The following ELOVL4 variants were observed in gnomAD, a reference collection of about 807,000 sequenced individuals.
ELOVL4 encodes very long chain fatty acid elongase 4.
Under a neutral mutation model 42.1 loss-of-function variants are expected in ELOVL4, and 18 were observed. That is an observed-to-expected ratio of 0.43 (90% CI 0.30 to 0.63). The LOEUF is 0.63. ELOVL4 is among the 30% of genes least tolerant of loss of function. The pLI is 0.15. For missense variants in ELOVL4, 299 were observed against 376.2 expected, an observed-to-expected ratio of 0.79 and a Z score of 1.70; for synonymous variants, 117 against 127.0, an observed-to-expected ratio of 0.92 and a Z score of 0.53.
At chr6:79,943,225 C>A (rs1774675907) in intron 1 of ELOVL4, among the ~76,000 whole-genome samples, 1 of 152,124 alleles carries the variant, frequency 6.6e-6, no homozygotes, top group African/African-American at 2.4e-5. Context: ...CCTCTGGGAC[C>A]TAGCAATCCC....
intron 5 of ELOVL4, 129 bp downstream of exon 5, chr6:79,919,291 G>A (rs902281123): frequency 1.2e-5 from 13 of 1,042,078 alleles, no homozygotes; most frequent in Admixed American, 3.8e-5. Flanking sequence ...GCATAACTGC[G>A]ATATAGCTGG....
chr6:79,930,889 T>C (rs1774431905), intron 1 of ELOVL4, among the ~76,000 whole-genome samples: 3 of 152,192 alleles, frequency 2.0e-5, no homozygotes, highest in South Asian at 2.1e-4. Context: ...ATTTCTATTA[T>C]GTTGTCAACA....
At chr6:79,937,818 A>G (rs918450231) in intron 1 of ELOVL4, among the ~76,000 whole-genome samples, 1 of 152,204 alleles carries the variant, frequency 6.6e-6, no homozygotes, top group Non-Finnish European at 1.5e-5. Flanking sequence ...ATAATATCTA[A>G]CTTATAGAGA....
intron 1 of ELOVL4, among the ~76,000 whole-genome samples, chr6:79,928,743 T>TG (rs796876947): frequency 1.3e-4 from 18 of 143,648 alleles, no homozygotes; most frequent in African/African-American, 4.2e-4. Flanking sequence ...TTTTTTTTTT[T>TG]TTTTTTTTTT....
At chr6:79,917,405 T>A (rs1774180664) in intron 5 of ELOVL4, among the ~76,000 whole-genome samples, 1 of 152,220 alleles carries the variant, frequency 6.6e-6, no homozygotes, top group Non-Finnish European at 1.5e-5. Context: ...GGTTTCTTTC[T>A]ATCAAATTGT....
chr6:79,929,344 C>G (rs1774404568), intron 1 of ELOVL4, among the ~76,000 whole-genome samples: 1 of 152,110 alleles, frequency 6.6e-6, no homozygotes, highest in African/African-American at 2.4e-5. Context: ...GAGCTCAAGC[C>G]ATCCTCCCAC....
Position 79,920,595 on chromosome 6 carries a change from A to C in ELOVL4, c.541+1030T>G, listed in dbSNP as rs574172999. Among the ~76,000 whole-genome samples the C allele has an allele frequency of 2.8e-3, 419 of 152,336 alleles. 2 individuals carry two copies. The highest frequency in any genetic ancestry group is 9.6e-3 in the African/African-American group (398 of 41,572). On this transcript the variant is annotated intron_variant, in intron 4 of 5. Transcript: ENST00000369816. ...GACTCAGGTCTAAATCCAAAACTTC[A>C]TATACACCTTATACATGTATCCTGA...
At position 79,915,772 on chromosome 6, in the gene ELOVL4, G is replaced by A. The variant is rs909038344; in HGVS notation, c.*836C>T. The A allele has an allele frequency of 6.6e-5, 10 of 152,380 alleles. No homozygotes were observed. Among genetic ancestry groups the A allele is most frequent in the African/African-American group, 9.7e-5 (4 of 41,378 alleles). 9.4% of individuals were successfully genotyped at this position (152,380 alleles called of 1,614,324 possible). On this transcript the variant is annotated 3_prime_UTR_variant, in exon 6 of 6. Coordinates refer to ENST00000369816, the MANE Select transcript of ELOVL4 (RefSeq NM_022726.4). ...TGATAAAAATCAACATATTCTAACA[G>A]CACATAAATGTAACTATCTTATGAT...
chr6:79,933,869 C>T (rs1774498269), intron 1 of ELOVL4, among the ~76,000 whole-genome samples: 2 of 152,064 alleles, frequency 1.3e-5, no homozygotes, highest in African/African-American at 2.4e-5. Flanking sequence ...ACGAAGGTTT[C>T]GTGGGTAAAA....
intron 1 of ELOVL4, among the ~76,000 whole-genome samples, chr6:79,945,141 T>G (rs1774717802): frequency 1.3e-5 from 2 of 152,078 alleles, no homozygotes; most frequent in Admixed American, 6.6e-5. Context: ...CTATATCCAC[T>G]AAGCCTCTCT....
intron 1 of ELOVL4, among the ~76,000 whole-genome samples, chr6:79,932,682 T>C (rs970396481): frequency 5.3e-5 from 8 of 152,192 alleles, no homozygotes; most frequent in African/African-American, 1.9e-4. Flanking sequence ...AGTCATATAC[T>C]CCAAAGTCAT....
rs1356670683 is a variant in ELOVL4, at chr6:79,924,998, T to C, written c.323A>G (p.Tyr108Cys). The C allele has an allele frequency of 2.5e-6, 4 of 1,607,652 alleles. No individual in the cohort carries two copies. Among genetic ancestry groups the C allele is most frequent in the East Asian group, 2.2e-5 (1 of 44,764 alleles). Residue 108 changes from tyrosine (Y) to cysteine (C), a missense_variant, in exon 3 of 6, where the codon TAT (tyrosine) becomes TGT (cysteine). Coordinates refer to ENST00000369816, the MANE Select transcript of ELOVL4 (RefSeq NM_022726.4). ...AGAATAATCCACACTCTGGCAAATATAGCTATATCCCGCATTATATGATCC... is the reference window on the plus strand; with the variant it reads ...AGAATAATCCACACTCTGGCAAATACAGCTATATCCCGCATTATATGATCC... Reference protein sequence around the residue: ...FMGSYNAGYSYICQSVDYSNN... With the variant: ...FMGSYNAGYSCICQSVDYSNN...
At chr6:79,919,633 T>A in intron 4 of ELOVL4, 86 bp from the exon 5 acceptor site, 2 of 1,182,660 alleles carry the variant, frequency 1.7e-6, no homozygotes, top group Non-Finnish European at 2.4e-6. Context: ...TGAATACACA[T>A]TATTTTTTAA....
chr6:79,936,021 T>C lies in ELOVL4; in HGVS notation c.101-9640A>G, dbSNP rs1237882295. 3.3e-5 allele frequency among the ~76,000 whole-genome samples: 5 copies of C among 152,212 alleles called. No homozygotes were observed. The East Asian group carries it at 9.6e-4, about 29-fold the overall frequency. On this transcript the variant is annotated intron_variant, in intron 1 of 5. Coordinates refer to ENST00000369816, the MANE Select transcript of ELOVL4 (RefSeq NM_022726.4). ...TTACACATTAAAGTCTAAGGAGCAC[T>C]GCTCTGGTCTACTCAGAAATGTGAG...
intron 1 of ELOVL4, among the ~76,000 whole-genome samples, chr6:79,928,325 G>T (rs1052410217): frequency 4.6e-5 from 7 of 152,008 alleles, no homozygotes; most frequent in Non-Finnish European, 8.8e-5. Context: ...GAAGATAAAT[G>T]TATCTGTGAG....
Position 79,926,242 on chromosome 6 carries a change from A to C in ELOVL4, c.240T>G (p.Ile80Met). 1 of 1,613,972 alleles carries C rather than the reference A, an allele frequency of 6.2e-7. No homozygotes were observed. Among genetic ancestry groups the C allele is most frequent in the Non-Finnish European group, 8.5e-7 (1 of 1,179,944 alleles). The change falls in exon 2 of 6, where the codon ATT (isoleucine) becomes ATG (methionine). Residue 80 changes from isoleucine to methionine, a missense_variant. Transcript: ENST00000369816. ...REPFQMRLVLIIYNFGMVLLN... is the reference protein window; with the variant it reads ...REPFQMRLVLMIYNFGMVLLN... ...GCAAAACCATCCCAAAATTATAGAT[A>C]ATGAGCACTAGACGCATCTGAAAAG...
In ELOVL4 at chr6:79,946,992, G is replaced by A. The variant is rs560316611; in HGVS notation, c.100+188C>T. Reference sequence around the variant, plus strand: ...CCCTGCGAGTGTCGGGGGAGGGGAGGCCTTAACATTCGGATCAGATTAACC... The same window carrying A: ...CCCTGCGAGTGTCGGGGGAGGGGAGACCTTAACATTCGGATCAGATTAACC... On this transcript the variant is annotated intron_variant, in intron 1 of 5. Coordinates refer to ENST00000369816, the MANE Select transcript of ELOVL4 (RefSeq NM_022726.4). Among the ~76,000 whole-genome samples the A allele has an allele frequency of 6.1e-4, 93 of 152,298 alleles. 2 individuals are homozygous for A. The South Asian group carries it at 0.018, about 30-fold the overall frequency.
chr6:79,923,013 T>C (rs1315758949), intron 3 of ELOVL4, among the ~76,000 whole-genome samples: 1 of 152,138 alleles, frequency 6.6e-6, no homozygotes, highest in Non-Finnish European at 1.5e-5. Context: ...TAAAATAAAG[T>C]AACTGTCACC....
chr6:79,935,767 T>C (rs1774531460), intron 1 of ELOVL4, among the ~76,000 whole-genome samples: 1 of 152,198 alleles, frequency 6.6e-6, no homozygotes, highest in African/African-American at 2.4e-5. Flanking sequence ...GCATTTGATT[T>C]TTACATTAAT....
Sources: gnomAD v4.1 joint callset for allele counts (sites outside exome capture counted in the v4.1 genomes callset) on GRCh38, gnomAD v4.1.1 for gene constraint, MANE v1.5 for transcripts, NCBI Gene and HGNC (gene_info 2026-07-23, HGNC 2026-07-21) for gene names.